The following PRELID3A variants were observed in gnomAD, a reference collection of about 807,000 sequenced individuals.
PRELID3A encodes PRELI domain containing 3A.
PRELID3A carries 27 observed loss-of-function variants against 23.0 expected under a neutral mutation model. The ratio of observed to expected loss-of-function variants is 1.17; its 90% CI spans 0.87 to 1.62. The LOEUF is 1.62. Ranked by LOEUF, PRELID3A falls within the 40% of genes most tolerant of loss-of-function variation. The pLI, the probability that PRELID3A is intolerant of heterozygous loss-of-function variation, is 0.00. For missense variants in PRELID3A, 231 were observed against 231.4 expected (o/e 1.00, Z 0.01); for synonymous variants, 87 against 86.4 (o/e 1.01, Z -0.04).
intron 4 of PRELID3A, 54 bp downstream of exon 4, chr18:12,427,165 C>T: frequency 6.3e-7 from 1 of 1,597,756 alleles, no homozygotes; most frequent in South Asian, 1.1e-5. Context: ...GAGGGCAGGG[C>T]AGACCCTCCT....
rs1168537909 is a variant in PRELID3A, at chr18:12,427,121, C to T, written c.362+10C>T. 6.2e-7 allele frequency: 1 copy of T among 1,610,228 alleles called. No homozygotes were observed. Among genetic ancestry groups the T allele is most frequent in the South Asian group, 1.1e-5 (1 of 90,984 alleles). ...CAGAGAACCCAGAAATGTGAGTCAT[C>T]TCCTGTGGGATTGACACATTGAATG... On this transcript the variant is annotated intron_variant, in intron 4 of 6. Coordinates refer to ENST00000440960, the MANE Select transcript of PRELID3A (RefSeq NM_001142405.2).
chr18:12,413,157 G>GA (rs1909972088), intron 1 of PRELID3A, among the ~76,000 whole-genome samples: 1 of 152,168 alleles, frequency 6.6e-6, no homozygotes, highest in African/African-American at 2.4e-5. Context: ...CACTTAGTTG[G>GA]AATACAAAAC....
chr18:12,420,010 GA>G (rs1174535792), intron 1 of PRELID3A: 1 of 616,880 alleles, frequency 1.6e-6, no homozygotes, highest in Admixed American at 3.9e-5. Context: ...GCTGAGGCAG[GA>G]TGTTCACTTG....
chr18:12,413,936 TG>T (rs1410953965), intron 1 of PRELID3A, among the ~76,000 whole-genome samples: 1 of 152,214 alleles, frequency 6.6e-6, no homozygotes, highest in African/African-American at 2.4e-5. Context: ...TGCTATCAGT[TG>T]TTTTCCTTGA....
chr18:12,408,126 C>T, intron 1 of PRELID3A, 119 bp downstream of exon 1: 1 of 934,482 alleles, frequency 1.1e-6, no homozygotes, highest in Non-Finnish European at 1.4e-6. Context: ...AGATCCCCGC[C>T]CCGCGCCGGC....
At chr18:12,420,572 C>G in intron 2 of PRELID3A, 79 bp downstream of exon 2, 1 of 1,384,588 alleles carries the variant, frequency 7.2e-7, no homozygotes, top group Admixed American at 2.8e-5. Context: ...CGTCCCTCCT[C>G]CCCTCATCAG....
chr18:12,411,912 CTTT>C (rs773964175), intron 1 of PRELID3A, among the ~76,000 whole-genome samples: 5 of 138,074 alleles, frequency 3.6e-5, no homozygotes, highest in Admixed American at 7.5e-5. Context: ...TCTTTTCTTT[CTTT>C]TTTTTTTTTT....
intron 1 of PRELID3A, chr18:12,420,043 C>A: frequency 9.1e-7 from 1 of 1,095,438 alleles, no homozygotes; most frequent in Non-Finnish European, 1.2e-6. Flanking sequence ...TTTGAGTCTG[C>A]AGTGACCCTG....
At chr18:12,408,760 G>T (rs1488543099) in intron 1 of PRELID3A, among the ~76,000 whole-genome samples, 1 of 132,630 alleles carries the variant, frequency 7.5e-6, no homozygotes, top group African/African-American at 3.9e-5. Flanking sequence ...GAAGGGTGAG[G>T]GGGTGGGTGC....
At chr18:12,426,936 G>T in intron 3 of PRELID3A, 105 bp from the exon 4 acceptor site, 1 of 777,362 alleles carries the variant, frequency 1.3e-6, no homozygotes. Context: ...AGTTTCTTCT[G>T]TTCTGGCCCC....
chr18:12,412,406 T>A (rs371698083), intron 1 of PRELID3A, among the ~76,000 whole-genome samples: 5 of 152,126 alleles, frequency 3.3e-5, no homozygotes, highest in East Asian at 3.9e-4. Context: ...CAGGCTGGTC[T>A]CCAACTGCTG....
In PRELID3A at chr18:12,408,050, G is replaced by A. The variant is rs965707205; in HGVS notation, c.32+43G>A. On this transcript the variant is annotated intron_variant, in intron 1 of 6. Transcript: ENST00000440960. Reference sequence around the variant, plus strand: ...GCCGCGGTGGGGCCGTCCAGACGCCGGCTCCTGCTCCCGAGCCCGGCTGGA... The same window carrying A: ...GCCGCGGTGGGGCCGTCCAGACGCCAGCTCCTGCTCCCGAGCCCGGCTGGA... 7 of 1,243,078 alleles carry A rather than the reference G, an allele frequency of 5.6e-6. No homozygotes were observed. The African/African-American group carries it at 6.2e-5, about 11-fold the overall frequency. 77.0% of individuals were successfully genotyped at this position (1,243,078 alleles called of 1,614,324 possible). A position where few individuals can be genotyped will look rare whatever the true frequency, so the allele number is the denominator to read the frequency against.
chr18:12,412,445 C>T (rs1425972985), intron 1 of PRELID3A, among the ~76,000 whole-genome samples: 2 of 152,246 alleles, frequency 1.3e-5, no homozygotes, highest in Non-Finnish European at 2.9e-5. Context: ...ACCTGGGCCT[C>T]CCAAAGTGCT....
intron 1 of PRELID3A, among the ~76,000 whole-genome samples, chr18:12,419,567 T>A (rs2030077788): frequency 1.3e-5 from 2 of 151,700 alleles, no homozygotes; most frequent in Admixed American, 1.3e-4. Flanking sequence ...AGGCGGAGGT[T>A]GCAGTGAGCT....
chr18:12,420,145 G>C, intron 1 of PRELID3A, 180 bp from the exon 2 acceptor site: 1 of 1,428,162 alleles, frequency 7.0e-7, no homozygotes, highest in Middle Eastern at 2.6e-4. Context: ...GCCGAGGCGT[G>C]CAGGTGCTGA....
chr18:12,426,354 A>G (rs1433949075), intron 3 of PRELID3A, among the ~76,000 whole-genome samples: 5 of 151,190 alleles, frequency 3.3e-5, no homozygotes, highest in Admixed American at 3.3e-4. Context: ...GGAGATCGAG[A>G]CCATCCTGGC....
At chr18:12,430,342 T>C (rs1425631991) in intron 6 of PRELID3A, among the ~76,000 whole-genome samples, 3 of 149,578 alleles carry the variant, frequency 2.0e-5, no homozygotes. Flanking sequence ...GTGTGTGCTG[T>C]GCGTGGTATG....
Position 12,420,454 on chromosome 18 carries a change from G to T in PRELID3A, c.162G>T (p.Leu54=). ...DGRGRLHSLR[L]LSTEWGLPSL... ...GCGGCCGCCTGCACAGCTTGCGCCT[G>T]CTCAGCACCGAGTGGGGGCTGCCCA... is the stretch of plus-strand genomic sequence containing the variant. Residue 54 remains leucine (L), a synonymous_variant, in exon 2 of 7, where the codon CTG becomes CTT. Coordinates refer to ENST00000440960, the MANE Select transcript of PRELID3A (RefSeq NM_001142405.2). 6.4e-7 allele frequency: 1 copy of T among 1,568,950 alleles called. No homozygotes were observed. Among genetic ancestry groups the T allele is most frequent in the East Asian group, 2.4e-5 (1 of 42,346 alleles).
intron 1 of PRELID3A, among the ~76,000 whole-genome samples, chr18:12,409,715 C>T (rs1301175285): frequency 2.6e-5 from 4 of 152,002 alleles, no homozygotes; most frequent in East Asian, 1.9e-4. Context: ...ATGGAATGGC[C>T]GAGGTCTGCC....
Sources: gnomAD v4.1 joint callset for allele counts (sites outside exome capture counted in the v4.1 genomes callset) on GRCh38, gnomAD v4.1.1 for gene constraint, MANE v1.5 for transcripts, NCBI Gene and HGNC (gene_info 2026-07-23, HGNC 2026-07-21) for gene names.